Variants in PCDHA7 observed in about 807,000 individuals in gnomAD.
PCDHA7 encodes the protein protocadherin alpha 7.
In PCDHA7, 37 loss-of-function variants were observed where a neutral mutation model predicts 57.2. The observed-to-expected ratio is 0.65, with a 90% confidence interval of 0.50 to 0.85. The LOEUF (loss-of-function observed/expected upper bound fraction) is 0.85, where lower values mean the gene tolerates loss of function less well. PCDHA7 is among the 40% of genes least tolerant of loss of function. The pLI, the probability that PCDHA7 is intolerant of heterozygous loss-of-function variation, is 0.00. For synonymous variants in PCDHA7, 553 were observed against 558.8 expected (o/e 0.99, Z 0.15); for missense variants, 1,188 against 1,241.8 (o/e 0.96, Z 0.65).
intron 3 of PCDHA7, among the ~76,000 whole-genome samples, chr5:141,001,895 G>T (rs1390745542): frequency 3.9e-5 from 6 of 152,208 alleles, no homozygotes; most frequent in Non-Finnish European, 8.8e-5. Context: ...AGAAATCGGG[G>T]CTGTTTGAAA....
At chr5:140,851,037 T>C (rs1393971342) in intron 1 of PCDHA7, 4 of 1,398,626 alleles carry the variant, frequency 2.9e-6, no homozygotes, top group Non-Finnish European at 3.8e-6. Flanking sequence ...CCCTTAACAT[T>C]GGAGCCGACT....
intron 1 of PCDHA7, among the ~76,000 whole-genome samples, chr5:140,930,805 A>T (rs2087129378): frequency 6.6e-6 from 1 of 152,218 alleles, no homozygotes; most frequent in Non-Finnish European, 1.5e-5. Flanking sequence ...CCAGCATATA[A>T]GATATGCTTA....
chr5:140,980,317 A>G (rs1435571559), intron 2 of PCDHA7, among the ~76,000 whole-genome samples: 1 of 152,194 alleles, frequency 6.6e-6, no homozygotes, highest in Non-Finnish European at 1.5e-5. Context: ...TAAAAACTAC[A>G]TTTGAAATAA....
rs781790601 is a variant in PCDHA7 at position 140,870,998 on chromosome 5, C to G, written c.2355+34260C>G. The G allele has an allele frequency of 6.2e-6, 10 of 1,613,366 alleles. No individual in the cohort carries two copies. The Admixed American group carries it at 1.7e-4, about 27-fold the overall frequency. On this transcript the variant is annotated intron_variant, in intron 1 of 3. Transcript: ENST00000525929. Reference sequence around the variant, plus strand: ...GGGCTGTACACGGGCGAGATAAGCACAACGCGTGCCCTGGACGAGGCAGAC... The same window carrying G: ...GGGCTGTACACGGGCGAGATAAGCAGAACGCGTGCCCTGGACGAGGCAGAC...
intron 3 of PCDHA7, among the ~76,000 whole-genome samples, chr5:140,993,462 TCACACACACACACA>T (rs3836747): frequency 0.028 from 4,017 of 141,026 alleles, 179 homozygotes; most frequent in African/African-American, 0.099. Context: ...TCTTTCTTTC[TCACACACACACACA>T]CACACACACA....
Position 140,883,762 on chromosome 5 carries a change from G to A in PCDHA7, c.2355+47024G>A, listed in dbSNP as rs782515575. 5 of 1,612,794 alleles carry A rather than the reference G, an allele frequency of 3.1e-6. No homozygotes were observed. The South Asian group carries it at 5.5e-5, about 18-fold the overall frequency. On this transcript the variant is annotated intron_variant, in intron 1 of 3. Coordinates refer to ENST00000525929, the MANE Select transcript of PCDHA7 (RefSeq NM_018910.3). ...TCTCCTACTCGCTGGTGGAGCGGCG[G>A]GTGGGCGAGCGTGCGCTGTCGAGCT... is the stretch of plus-strand genomic sequence containing the variant.
chr5:141,004,745 A>C (rs1282005519), intron 3 of PCDHA7, among the ~76,000 whole-genome samples: 2 of 152,158 alleles, frequency 1.3e-5, no homozygotes, highest in Non-Finnish European at 2.9e-5. Flanking sequence ...CTTTTGTCTC[A>C]GTCTCTTAGA....
At chr5:140,870,239 G>C (rs781847723) in intron 1 of PCDHA7, 6 of 1,614,134 alleles carry the variant, frequency 3.7e-6, no homozygotes, top group Non-Finnish European at 4.2e-6. Flanking sequence ...CGTGACTCAG[G>C]TGTCAACGGA....
chr5:140,900,354 C>T (rs376691648), intron 1 of PCDHA7, among the ~76,000 whole-genome samples: 68 of 151,986 alleles, frequency 4.5e-4, no homozygotes, highest in African/African-American at 1.2e-3. Context: ...CTTGGCTCAC[C>T]GCAACCTCTG....
In PCDHA7 at chr5:140,982,576, G is replaced by C. The variant is rs782355791; in HGVS notation, c.2503+13G>C. ...AGTGCAACACCAGGTAAAGAGCTGG[G>C]GTCTCTCCATTCTTTCTTGGTTTCT... On this transcript the variant is annotated intron_variant, in intron 3 of 3. Transcript: ENST00000525929. 3.1e-6 allele frequency: 5 copies of C among 1,613,270 alleles called. 1 individual carries two copies. In the South Asian group the frequency reaches 5.5e-5, roughly 18 times the overall value.
chr5:140,896,228 G>C (rs567886194), intron 1 of PCDHA7, among the ~76,000 whole-genome samples: 1 of 152,298 alleles, frequency 6.6e-6, no homozygotes, highest in South Asian at 2.1e-4. Context: ...CTTTATAGTA[G>C]AATGACTTAT....
At chr5:140,901,060 A>AT (rs542927280) in intron 1 of PCDHA7, among the ~76,000 whole-genome samples, 21 of 151,128 alleles carry the variant, frequency 1.4e-4, no homozygotes, top group African/African-American at 3.2e-4. Flanking sequence ...AGATTATTAG[A>AT]TTTTTTTTTC....
intron 1 of PCDHA7, chr5:140,884,453 G>A (rs2060182161): frequency 2.5e-6 from 4 of 1,613,658 alleles, no homozygotes; most frequent in Admixed American, 1.7e-5. Flanking sequence ...ACCGCCCACC[G>A]AGGGCGCGTG....
intron 1 of PCDHA7, among the ~76,000 whole-genome samples, chr5:140,888,291 A>G (rs539984108): frequency 9.2e-5 from 14 of 152,122 alleles, no homozygotes; most frequent in Admixed American, 5.2e-4. Flanking sequence ...TCTACCCCCT[A>G]CCCAGGAGAT....
intron 1 of PCDHA7, chr5:140,871,327 C>A: frequency 6.2e-7 from 1 of 1,614,102 alleles, no homozygotes; most frequent in Non-Finnish European, 8.5e-7. Flanking sequence ...GGTGTGCTCC[C>A]GCGCGGTGGG....
intron 1 of PCDHA7, among the ~76,000 whole-genome samples, chr5:140,918,860 A>G (rs1264660506): frequency 6.6e-6 from 1 of 152,218 alleles, no homozygotes; most frequent in Non-Finnish European, 1.5e-5. Context: ...TGCCTGAATC[A>G]TGAACTTTCA....
chr5:140,842,359 C>T (rs1157712945), intron 1 of PCDHA7: 5 of 1,606,532 alleles, frequency 3.1e-6, no homozygotes, highest in Non-Finnish European at 4.3e-6. Context: ...AAAATGATAA[C>T]GTCCCTGAGA....
intron 1 of PCDHA7, chr5:140,969,117 A>C (rs1554231477): frequency 6.2e-7 from 1 of 1,614,178 alleles, no homozygotes; most frequent in Admixed American, 1.7e-5. Flanking sequence ...GTTCGAGGGA[A>C]TGGCTCCCTC....
intron 1 of PCDHA7, chr5:140,866,543 G>A (rs1329299752): frequency 3.3e-5 from 5 of 152,066 alleles, no homozygotes; most frequent in South Asian, 2.1e-4. Context: ...TTAGCATCAC[G>A]GAATAAATCC....
Sources: allele counts gnomAD v4.1 joint callset (sites outside exome capture counted in the v4.1 genomes callset), GRCh38; gene constraint gnomAD v4.1.1; transcripts MANE v1.5; gene names NCBI Gene and HGNC (gene_info 2026-07-23, HGNC 2026-07-21).